Variants in THSD7B observed in about 807,000 individuals in gnomAD.
THSD7B encodes thrombospondin type 1 domain containing 7B, also known as thrombospondin type-1 domain-containing protein 7B.
A neutral mutation model predicts 213.6 loss-of-function variants in THSD7B; 138 were observed. The observed-to-expected ratio is 0.65, with a 90% confidence interval of 0.56 to 0.74. THSD7B has a LOEUF of 0.74. THSD7B is among the 30% of genes least tolerant of loss of function. The pLI, the probability that THSD7B is intolerant of heterozygous loss-of-function variation, is 0.00. For missense variants in THSD7B, 1,931 were observed against 1,991.5 expected (o/e 0.97, Z 0.58); for synonymous variants, 742 against 687.0 (o/e 1.08, Z -1.25).
intron 12 of THSD7B, among the ~76,000 whole-genome samples, chr2:137,362,210 C>G (rs1232692374): frequency 6.6e-6 from 1 of 152,162 alleles, no homozygotes; most frequent in East Asian, 1.9e-4. Flanking sequence ...ACCAGGCCTG[C>G]CTTACGAGAA....
At chr2:137,294,348 C>T (rs756556379) in intron 12 of THSD7B, among the ~76,000 whole-genome samples, 9 of 151,790 alleles carry the variant, frequency 5.9e-5, no homozygotes, top group Non-Finnish European at 8.8e-5. Flanking sequence ...TTTGGGAGGC[C>T]GAGGCAGGTG....
intron 12 of THSD7B, among the ~76,000 whole-genome samples, chr2:137,367,123 G>T (rs561844271): frequency 4.6e-5 from 7 of 151,876 alleles, no homozygotes; most frequent in Admixed American, 1.3e-4. Context: ...CATCCATGAT[G>T]CATCAAGTAG....
At chr2:137,310,511 A>T (rs1683872913) in intron 12 of THSD7B, among the ~76,000 whole-genome samples, 1 of 150,590 alleles carries the variant, frequency 6.6e-6, no homozygotes, top group Non-Finnish European at 1.5e-5. Context: ...TAGTTTAATG[A>T]GATCCCATTT....
chr2:136,953,996 C>A (rs1007032173), intron 2 of THSD7B, among the ~76,000 whole-genome samples: 3 of 152,188 alleles, frequency 2.0e-5, no homozygotes, highest in African/African-American at 7.2e-5. Context: ...TTTAGAGTCA[C>A]ATTCTAGGTA....
At chr2:137,274,886 CTGATT>C (rs1337998709) in intron 11 of THSD7B, among the ~76,000 whole-genome samples, 1 of 151,906 alleles carries the variant, frequency 6.6e-6, no homozygotes, top group Non-Finnish European at 1.5e-5. Context: ...TAGCTGTTTC[CTGATT>C]TTTTTTCCCC....
chr2:136,988,437 A>G (rs939808500), intron 2 of THSD7B, among the ~76,000 whole-genome samples: 10 of 152,226 alleles, frequency 6.6e-5, no homozygotes, highest in African/African-American at 2.4e-4. Flanking sequence ...GAGTTGATAA[A>G]TGTGTTTAAA....
At chr2:137,262,302 G>A (rs1482546411) in intron 10 of THSD7B, among the ~76,000 whole-genome samples, 2 of 151,972 alleles carry the variant, frequency 1.3e-5, no homozygotes, top group Non-Finnish European at 2.9e-5. Context: ...GATGACATTT[G>A]TGCCCCTCAA....
intron 11 of THSD7B, 116 bp from the exon 12 acceptor site, chr2:137,275,807 A>G (rs1017113384): frequency 1.4e-6 from 1 of 706,362 alleles, no homozygotes; most frequent in Non-Finnish European, 2.3e-6. Context: ...TTGATTTCAT[A>G]TCCATTTTTA....
intron 1 of THSD7B, among the ~76,000 whole-genome samples, chr2:136,810,183 T>G (rs1015749861): frequency 5.3e-5 from 8 of 152,136 alleles, no homozygotes; most frequent in Non-Finnish European, 1.0e-4. Flanking sequence ...CTGCCTGAGT[T>G]CATGGCCCAT....
chr2:137,313,138 G>A (rs1683963787), intron 12 of THSD7B, among the ~76,000 whole-genome samples: 1 of 152,272 alleles, frequency 6.6e-6, no homozygotes, highest in Middle Eastern at 3.4e-3. Flanking sequence ...ATATGTGGGA[G>A]ACTAAGTCTC....
intron 2 of THSD7B, among the ~76,000 whole-genome samples, chr2:136,981,078 T>A (rs987459869): frequency 6.6e-6 from 1 of 152,170 alleles, no homozygotes; most frequent in African/African-American, 2.4e-5. Flanking sequence ...CCCTCCTGTT[T>A]TACTTTTATA....
At chr2:137,233,184 A>G in intron 9 of THSD7B, 51 bp downstream of exon 9, 1 of 1,509,546 alleles carries the variant, frequency 6.6e-7, no homozygotes, top group South Asian at 1.2e-5. Context: ...CATGTTGAGT[A>G]TTTTTAGTTG....
At chr2:136,767,617 T>G (rs1396547559) in intron 1 of THSD7B, among the ~76,000 whole-genome samples, 1 of 152,184 alleles carries the variant, frequency 6.6e-6, no homozygotes, top group African/African-American at 2.4e-5. Flanking sequence ...ACACAGATAC[T>G]TCTGAAAAAA....
chr2:136,939,641 T>C (rs1034024145), intron 2 of THSD7B, among the ~76,000 whole-genome samples: 1 of 152,186 alleles, frequency 6.6e-6, no homozygotes, highest in Non-Finnish European at 1.5e-5. Context: ...CTCTGACCAA[T>C]GGCAGTAGAT....
At chr2:137,345,594 TGAGA>T (rs146683144) in intron 12 of THSD7B, among the ~76,000 whole-genome samples, 6 of 146,872 alleles carry the variant, frequency 4.1e-5, no homozygotes, top group Non-Finnish European at 7.5e-5. Context: ...AAACTAAGAG[TGAGA>T]GAGAGAGAGA....
intron 12 of THSD7B, among the ~76,000 whole-genome samples, chr2:137,328,574 G>T (rs904792747): frequency 9.2e-5 from 14 of 152,202 alleles, no homozygotes; most frequent in African/African-American, 3.4e-4. Flanking sequence ...GACATCAGCA[G>T]ACTGGTGTTT....
intron 17 of THSD7B, among the ~76,000 whole-genome samples, chr2:137,614,744 C>G (rs1334502783): frequency 6.6e-6 from 1 of 152,040 alleles, no homozygotes; most frequent in Non-Finnish European, 1.5e-5. Flanking sequence ...ACTGACAGAT[C>G]CAAGTACAAA....
At chr2:136,857,133 A>G (rs1683190679) in intron 1 of THSD7B, among the ~76,000 whole-genome samples, 1 of 152,244 alleles carries the variant, frequency 6.6e-6, no homozygotes, top group Non-Finnish European at 1.5e-5. Context: ...GATTTGCTAT[A>G]TAAGCATTAA....
chr2:137,242,308 C>A, intron 9 of THSD7B, 149 bp from the exon 10 acceptor site: 1 of 580,004 alleles, frequency 1.7e-6, no homozygotes, highest in Non-Finnish European at 3.0e-6. Context: ...AGCGCTTGGG[C>A]AAGTAGCTTC....
Sources: gnomAD v4.1 joint callset for allele counts (sites outside exome capture counted in the v4.1 genomes callset) on GRCh38, gnomAD v4.1.1 for gene constraint, MANE v1.5 for transcripts, NCBI Gene and HGNC (gene_info 2026-07-23, HGNC 2026-07-21) for gene names.